NEGR1: variants seen among roughly 807,000 people sequenced by gnomAD.
NEGR1 encodes neuronal growth regulator 1.
NEGR1 carries 10 observed loss-of-function variants against 40.9 expected under a neutral mutation model. The observed-to-expected ratio is 0.24, with a 90% CI of 0.15 to 0.42. NEGR1 has a LOEUF of 0.42. Among genes scored for constraint, NEGR1 ranks in the 10% least tolerant of loss-of-function variants. NEGR1 has a pLI of 1.00. For missense variants in NEGR1, 352 were observed against 438.9 expected (o/e 0.80, Z 1.77); for synonymous variants, 185 against 166.8 (o/e 1.11, Z -0.84).
chr1:71,751,791 A>G (rs1655579764), intron 3 of NEGR1, among the ~76,000 whole-genome samples: 1 of 152,190 alleles, frequency 6.6e-6, no homozygotes, highest in Admixed American at 6.5e-5. Context: ...AGGCCAGAAG[A>G]CACATTTTCT....
At chr1:71,641,944 C>A (rs1651368733) in intron 4 of NEGR1, among the ~76,000 whole-genome samples, 1 of 151,982 alleles carries the variant, frequency 6.6e-6, no homozygotes, top group Non-Finnish European at 1.5e-5. Flanking sequence ...TTTATGTTCC[C>A]TAAGCTCTTC....
At chr1:72,106,544 A>G (rs1649141049) in intron 1 of NEGR1, among the ~76,000 whole-genome samples, 1 of 152,112 alleles carries the variant, frequency 6.6e-6, no homozygotes, top group African/African-American at 2.4e-5. Context: ...TGGGAGAAAA[A>G]AAAATGAACT....
At chr1:71,964,016 T>C (rs1481314426) in intron 1 of NEGR1, among the ~76,000 whole-genome samples, 1 of 152,190 alleles carries the variant, frequency 6.6e-6, no homozygotes, top group Admixed American at 6.6e-5. Context: ...GGTGGTGTTC[T>C]TTCTGTCCTC....
intron 4 of NEGR1, among the ~76,000 whole-genome samples, chr1:71,649,762 T>C (rs1441808191): frequency 6.6e-6 from 1 of 152,116 alleles, no homozygotes; most frequent in Non-Finnish European, 1.5e-5. Flanking sequence ...TGGCAGAGTT[T>C]CCTAGTCTCG....
chr1:71,511,963 T>G, intron 6 of NEGR1, among the ~76,000 whole-genome samples: 1 of 152,340 alleles, frequency 6.6e-6, no homozygotes, highest in Non-Finnish European at 1.5e-5. Context: ...AGTAGAATTA[T>G]ATTCTGAAAA....
intron 6 of NEGR1, among the ~76,000 whole-genome samples, chr1:71,560,429 T>TTATATATATATATATATATA (rs58813234): frequency 0.017 from 1,891 of 113,704 alleles, 82 homozygotes; most frequent in Non-Finnish European, 0.022. Flanking sequence ...TAATTCTCCA[T>TTATATATATATATATATATA]TATATATATA....
intron 4 of NEGR1, among the ~76,000 whole-genome samples, chr1:71,679,270 C>T (rs1221457466): frequency 6.6e-6 from 1 of 152,020 alleles, no homozygotes; most frequent in Non-Finnish European, 1.5e-5. Flanking sequence ...TAAAGTTCAA[C>T]AAAATACCTG....
intron 2 of NEGR1, among the ~76,000 whole-genome samples, chr1:71,934,816 T>A (rs906496323): frequency 1.2e-4 from 18 of 152,130 alleles, no homozygotes; most frequent in Admixed American, 6.6e-5. Context: ...TACCTTTTTT[T>A]AAATGTGTGT....
At chr1:71,745,786 C>T (rs952609017) in intron 3 of NEGR1, among the ~76,000 whole-genome samples, 1 of 152,084 alleles carries the variant, frequency 6.6e-6, no homozygotes, top group African/African-American at 2.4e-5. Context: ...ATGTCAAAAA[C>T]CAAACAAACA....
chr1:71,677,110 T>C (rs1652666783), intron 4 of NEGR1, among the ~76,000 whole-genome samples: 1 of 152,184 alleles, frequency 6.6e-6, no homozygotes, highest in Non-Finnish European at 1.5e-5. Context: ...TAAGATAATA[T>C]ATGTAGGCTG....
intron 4 of NEGR1, among the ~76,000 whole-genome samples, chr1:71,613,422 G>A (rs1343206262): frequency 3.3e-5 from 5 of 152,040 alleles, no homozygotes; most frequent in African/African-American, 2.4e-5. Context: ...CGAGGCGGGT[G>A]GATCACCTGA....
At position 71,399,856 on chromosome 1, in the gene NEGR1, C is replaced by G. The variant is rs1646235732; in HGVS notation, c.*7590G>C. The stretch of plus-strand genomic sequence containing the variant: ...AAAACTATGGAAGAGTTCTGTGGCT[C>G]TTACTAGGTATTTTTAGAACAATCA... On this transcript the variant is annotated 3_prime_UTR_variant, in exon 7 of 7. Transcript: ENST00000357731. 6.6e-6 allele frequency: 1 copy of G among 152,302 alleles called. No individual in the cohort carries two copies. Among genetic ancestry groups the G allele is most frequent in the Non-Finnish European group, 1.5e-5 (1 of 68,026 alleles). 9.4% of individuals were successfully genotyped at this position (152,302 alleles called of 1,614,324 possible). A position where few individuals can be genotyped will look rare whatever the true frequency, so the allele number is the denominator to read the frequency against.
chr1:71,704,929 A>C (rs1325363215), intron 3 of NEGR1, among the ~76,000 whole-genome samples: 1 of 152,010 alleles, frequency 6.6e-6, no homozygotes, highest in African/African-American at 2.4e-5. Context: ...AGTACAGTTT[A>C]TTGCAAGGTT....
intron 6 of NEGR1, among the ~76,000 whole-genome samples, chr1:71,550,778 A>C (rs1378347881): frequency 6.6e-6 from 1 of 151,614 alleles, no homozygotes; most frequent in Non-Finnish European, 1.5e-5. Context: ...CCATAGGGTA[A>C]GGGCAACAGT....
chr1:72,019,908 GCTAA>G (rs1261133928), intron 1 of NEGR1, among the ~76,000 whole-genome samples: 1 of 152,146 alleles, frequency 6.6e-6, no homozygotes. Flanking sequence ...CGCTTATGTG[GCTAA>G]CTATGAGCCA....
intron 6 of NEGR1, among the ~76,000 whole-genome samples, chr1:71,548,270 G>C (rs1024608727): frequency 7.9e-5 from 12 of 151,768 alleles, no homozygotes; most frequent in African/African-American, 2.9e-4. Flanking sequence ...TCTGGAGATG[G>C]GGCTGATTCT....
intron 1 of NEGR1, among the ~76,000 whole-genome samples, chr1:71,990,678 T>A (rs1646441513): frequency 5.9e-5 from 9 of 152,120 alleles, no homozygotes; most frequent in Admixed American, 5.9e-4. Context: ...ATAGTCCTAG[T>A]CTACCAAAGC....
intron 6 of NEGR1, among the ~76,000 whole-genome samples, chr1:71,554,665 CTCT>C (rs1037930855): frequency 2.0e-5 from 3 of 151,526 alleles, no homozygotes; most frequent in Non-Finnish European, 4.4e-5. Flanking sequence ...ACCTACTCTC[CTCT>C]TTTTTCCTGG....
At chr1:72,076,653 T>C (rs536186881) in intron 1 of NEGR1, among the ~76,000 whole-genome samples, 43 of 152,210 alleles carry the variant, frequency 2.8e-4, no homozygotes, top group African/African-American at 9.9e-4. Flanking sequence ...TCCATATATA[T>C]GTGTCCGTGT....
Sources: gnomAD v4.1 joint callset for allele counts (sites outside exome capture counted in the v4.1 genomes callset) on GRCh38, gnomAD v4.1.1 for gene constraint, MANE v1.5 for transcripts, NCBI Gene and HGNC (gene_info 2026-07-23, HGNC 2026-07-21) for gene names.